Variants in DOCK11 observed in about 807,000 individuals in gnomAD.
DOCK11 encodes dedicator of cytokinesis 11, also known as dedicator of cytokinesis protein 11.
DOCK11 carries 70 observed loss-of-function variants against 169.1 expected under a neutral mutation model. The ratio of observed to expected loss-of-function variants is 0.41; its 90% confidence interval spans 0.34 to 0.51. The LOEUF is 0.51. Ranked by LOEUF, DOCK11 falls within the 20% of genes least tolerant of loss-of-function variation. The pLI is 0.10. For missense variants in DOCK11, 1,166 were observed against 1,538.8 expected, an observed-to-expected ratio of 0.76 and a Z score of 4.05; for synonymous variants, 529 against 541.3, an observed-to-expected ratio of 0.98 and a Z score of 0.32.
At chrX:118,545,437 A>G (rs754960498) in intron 5 of DOCK11, 45 bp downstream of exon 5, 5 of 948,084 alleles carry the variant, frequency 5.3e-6, no homozygotes, top group Middle Eastern at 2.7e-4. Context: ...TAGTTTCCTC[A>G]CGGTCACTTT....
chrX:118,611,758 A>AT (rs988015928), intron 28 of DOCK11, among the ~76,000 whole-genome samples: 6 of 109,532 alleles, frequency 5.5e-5, no homozygotes, highest in South Asian at 3.8e-4. Context: ...GCTTTCTTTC[A>AT]TTTTTTTTTA....
chrX:118,672,097 A>G lies in DOCK11; in HGVS notation c.5199+952A>G, dbSNP rs183002357. Among the ~76,000 whole-genome samples the G allele has an allele frequency of 2.7e-5, 3 of 112,643 alleles. No individual in the cohort carries two copies. The East Asian group carries it at 8.3e-4, about 31-fold the overall frequency. On this transcript the variant is annotated intron_variant, in intron 46 of 52. Transcript: ENST00000276202. ...CAAATTTCCATGTTACCCAGGGAAG[A>G]GGCATAGACATGATTCTATTCTTTA...
intron 17 of DOCK11, 38 bp downstream of exon 17, chrX:118,588,359 G>T (rs776866207): frequency 1.7e-6 from 2 of 1,154,718 alleles, no homozygotes; most frequent in Non-Finnish European, 2.3e-6. Flanking sequence ...AGTATAAAAT[G>T]TTATTTATAA....
At chrX:118,624,443 C>CT in intron 31 of DOCK11, 96 bp from the exon 32 acceptor site, 1 of 527,584 alleles carries the variant, frequency 1.9e-6, no homozygotes, top group East Asian at 3.7e-5. Flanking sequence ...TGTTAGCCTA[C>CT]TTTTTAGTCT....
chrX:118,626,065 C>CTTTT (rs570844267), intron 32 of DOCK11, among the ~76,000 whole-genome samples: 1 of 92,654 alleles, frequency 1.1e-5, no homozygotes, highest in African/African-American at 4.0e-5. Flanking sequence ...AAATCCTTTA[C>CTTTT]TTTTTTTTTT....
intron 48 of DOCK11, among the ~76,000 whole-genome samples, chrX:118,678,240 A>G (rs2016655859): frequency 8.9e-6 from 1 of 112,362 alleles, no homozygotes; most frequent in African/African-American, 3.2e-5. Context: ...ACAATTTCAC[A>G]TTTAACATTT....
At chrX:118,508,082 G>A (rs2147309526) in intron 1 of DOCK11, among the ~76,000 whole-genome samples, 1 of 110,570 alleles carries the variant, frequency 9.0e-6, no homozygotes, top group Admixed American at 9.6e-5. Flanking sequence ...AAAGAGGGAT[G>A]GGGTTGTTAT....
rs756603912 is a variant in DOCK11 at position 118,590,201 on chromosome X, C to T, written c.2047-9C>T. 1.8e-5 allele frequency: 22 copies of T among 1,195,567 alleles called. No individual in the cohort carries two copies. Among genetic ancestry groups the T allele is most frequent in the Non-Finnish European group, 2.4e-5 (21 of 884,183 alleles). ...TTTAGAGCGGTGACTCTGTTTCTTT[C>T]TTTTGCAGTGTATTTATGGAAAACC... is the stretch of plus-strand genomic sequence containing the variant. On this transcript the variant is annotated splice_polypyrimidine_tract_variant and intron_variant, in intron 18 of 52. Transcript: ENST00000276202.
At chrX:118,621,405 G>A (rs2014968432) in intron 31 of DOCK11, among the ~76,000 whole-genome samples, 1 of 111,600 alleles carries the variant, frequency 9.0e-6, no homozygotes, top group Admixed American at 9.5e-5. Context: ...GTGAGGGATT[G>A]GAGGGAGCCT....
At chrX:118,634,884 G>C (rs771617260) in intron 35 of DOCK11, among the ~76,000 whole-genome samples, 4 of 110,503 alleles carry the variant, frequency 3.6e-5, no homozygotes, top group Admixed American at 2.9e-4. Context: ...GCGCCACCAC[G>C]CCCAACTAAT....
intron 36 of DOCK11, 36 bp downstream of exon 36, chrX:118,636,448 C>T (rs1165920783): frequency 1.3e-6 from 1 of 773,934 alleles, no homozygotes; most frequent in East Asian, 3.7e-5. Context: ...ATACTTTCCC[C>T]TTATTTGGGG....
At chrX:118,539,573 A>G (rs190874837) in intron 1 of DOCK11, among the ~76,000 whole-genome samples, 85 of 111,666 alleles carry the variant, frequency 7.6e-4, no homozygotes, top group Non-Finnish European at 1.5e-3. Context: ...TATCACTAAG[A>G]ATAAATTTCT....
chrX:118,648,216 TATATAATA>T (rs1208266950), intron 40 of DOCK11, among the ~76,000 whole-genome samples: 5 of 84,132 alleles, frequency 5.9e-5, no homozygotes, highest in Admixed American at 3.6e-4. Flanking sequence ...ATTATAATAT[TATATAATA>T]ATATAATATA....
rs1340467808 is a variant in DOCK11, at chrX:118,496,005, A to G, written c.34A>G (p.Ser12Gly). The change falls in exon 1 of 53, where the codon AGC becomes GGC. Residue 12 changes from serine to glycine, a missense_variant. Coordinates refer to ENST00000276202, the MANE Select transcript of DOCK11 (RefSeq NM_144658.4). Reference protein sequence around the residue: ...AEVRKFTKRLSKPGTAAELRQ... With the variant: ...AEVRKFTKRLGKPGTAAELRQ... ...AGTGCGCAAATTCACCAAACGGCTCAGCAAGCCTGGCACGGCGGCTGAGCT... is the reference window on the plus strand; with the variant it reads ...AGTGCGCAAATTCACCAAACGGCTCGGCAAGCCTGGCACGGCGGCTGAGCT... 1 of 1,096,936 alleles carries G rather than the reference A, an allele frequency of 9.1e-7. No individual in the cohort carries two copies. The highest frequency in any genetic ancestry group is 1.2e-6 in the Non-Finnish European group (1 of 843,583). 90.4% of individuals were successfully genotyped at this position (1,096,936 alleles called of 1,213,427 possible). A position where few individuals can be genotyped will look rare whatever the true frequency, so the allele number is the denominator to read the frequency against.
At chrX:118,569,242 A>G (rs2013196517) in intron 10 of DOCK11, among the ~76,000 whole-genome samples, 1 of 107,322 alleles carries the variant, frequency 9.3e-6, no homozygotes, top group Non-Finnish European at 1.9e-5. Context: ...ACAGGCATGC[A>G]CCACCACGCC....
At chrX:118,532,652 G>A (rs1391542043) in intron 1 of DOCK11, among the ~76,000 whole-genome samples, 1 of 109,153 alleles carries the variant, frequency 9.2e-6, no homozygotes, top group Non-Finnish European at 1.9e-5. Flanking sequence ...GTGGTGGTGG[G>A]CGCCTGTAGC....
intron 1 of DOCK11, among the ~76,000 whole-genome samples, chrX:118,525,486 G>C (rs1409780606): frequency 1.8e-5 from 2 of 111,492 alleles, no homozygotes; most frequent in Non-Finnish European, 3.8e-5. Flanking sequence ...AGTACATAGA[G>C]ACAGAAAATA....
intron 1 of DOCK11, among the ~76,000 whole-genome samples, chrX:118,525,595 T>C (rs1278473020): frequency 9.0e-6 from 1 of 111,329 alleles, no homozygotes; most frequent in Non-Finnish European, 1.9e-5. Context: ...AGTTTGGAAA[T>C]GGGTAATGAT....
At position 118,597,381 on chromosome X, in the gene DOCK11, C is replaced by CA. The variant is rs757994001; in HGVS notation, c.2264-50_2264-49insA. 3 of 1,205,088 alleles carry CA rather than the reference C, an allele frequency of 2.5e-6. No homozygotes were observed. In the Admixed American group the frequency reaches 6.5e-5, roughly 26 times the overall value. ...CCCTAGCAGTCAGCCATTTGTGTAGCTGATTGCATTTGATATTTCATTTCT... is the reference window on the plus strand; with the variant it reads ...CCCTAGCAGTCAGCCATTTGTGTAGCATGATTGCATTTGATATTTCATTTCT... On this transcript the variant is annotated intron_variant, in intron 20 of 52. Transcript: ENST00000276202.
Sources: allele counts gnomAD v4.1 joint callset (sites outside exome capture counted in the v4.1 genomes callset), GRCh38; gene constraint gnomAD v4.1.1; transcripts MANE v1.5; gene names NCBI Gene and HGNC (gene_info 2026-07-23, HGNC 2026-07-21).